Variants in HEATR5B observed in about 807,000 individuals in gnomAD.
The protein encoded by HEATR5B is HEAT repeat-containing protein 5B.
In HEATR5B, 156 loss-of-function variants were observed where a neutral mutation model predicts 224.1. That is an observed-to-expected ratio of 0.70 (90% CI 0.61 to 0.80). The LOEUF is 0.80. Ranked by LOEUF, HEATR5B falls within the 30% of genes least tolerant of loss-of-function variation. The pLI, the probability that HEATR5B is intolerant of heterozygous loss-of-function variation, is 0.00. For synonymous variants in HEATR5B, 1,027 were observed against 893.0 expected, an observed-to-expected ratio of 1.15 and a Z score of -2.68; for missense variants, 2,323 against 2,535.5, an observed-to-expected ratio of 0.92 and a Z score of 1.80.
chr2:37,059,482 T>TTTTTTTTTGTG, intron 12 of HEATR5B, among the ~76,000 whole-genome samples: 1 of 140,082 alleles, frequency 7.1e-6, no homozygotes, highest in East Asian at 2.0e-4. Context: ...TTTTTTTTTT[T>TTTTTTTTTGTG]TGAGAGAGTC....
intron 18 of HEATR5B, among the ~76,000 whole-genome samples, chr2:37,049,082 C>A (rs1165571403): frequency 6.6e-6 from 1 of 152,168 alleles, no homozygotes; most frequent in African/African-American, 2.4e-5. Flanking sequence ...TCACTAATAA[C>A]TGCAACTCAT....
At chr2:37,059,445 TGTATA>T (rs1671128420) in intron 12 of HEATR5B, among the ~76,000 whole-genome samples, 1 of 55,430 alleles carries the variant, frequency 1.8e-5, no homozygotes, top group Non-Finnish European at 3.6e-5. Context: ...TGTGTGTGTG[TGTATA>T]TATATATATA....
At position 36,981,805 on chromosome 2, in the gene HEATR5B, T is replaced by A. The variant is rs1476459711; in HGVS notation, c.5912-11A>T. 3.2e-6 allele frequency: 5 copies of A among 1,565,006 alleles called. No individual in the cohort carries two copies. The Admixed American group carries it at 5.9e-5, about 18-fold the overall frequency. On this transcript the variant is annotated splice_polypyrimidine_tract_variant and intron_variant, in intron 35 of 35. Transcript: ENST00000233099. ...CAAGTAGCTGGACTCCTGTAAATAATAAAGTATGAAAAAAGATCACAAACA... is the reference window on the plus strand; with the variant it reads ...CAAGTAGCTGGACTCCTGTAAATAAAAAAGTATGAAAAAAGATCACAAACA...
At chr2:37,005,456 T>A (rs1038724925) in intron 30 of HEATR5B, among the ~76,000 whole-genome samples, 176 bp downstream of exon 30, 1 of 152,090 alleles carries the variant, frequency 6.6e-6, no homozygotes, top group Non-Finnish European at 1.5e-5. Flanking sequence ...CAAACCACGT[T>A]TGAGGCAGAC....
At position 37,000,617 on chromosome 2, in the gene HEATR5B, C is replaced by A. The variant is rs768336530; in HGVS notation, c.5514G>T (p.Thr1838=). 6.2e-7 allele frequency: 1 copy of A among 1,614,156 alleles called. No individual in the cohort carries two copies. Among genetic ancestry groups the A allele is most frequent in the Non-Finnish European group, 8.5e-7 (1 of 1,180,004 alleles). ...GAGAATATTCCAGGATGCAAGCAAG[C>A]GTGCTACGAATCAGAGCTGTCCACT... is the stretch of plus-strand genomic sequence containing the variant. ...QKQWTALIRS[T]LACILEYSQP... Residue 1838 remains threonine, a synonymous_variant, in exon 33 of 36, where the codon ACG becomes ACT. Transcript: ENST00000233099.
At chr2:37,025,146 G>A (rs1276604312) in intron 24 of HEATR5B, among the ~76,000 whole-genome samples, 2 of 152,096 alleles carry the variant, frequency 1.3e-5, no homozygotes, top group Non-Finnish European at 2.9e-5. Flanking sequence ...TTCAGAATCA[G>A]AATGGCAGGC....
intron 28 of HEATR5B, among the ~76,000 whole-genome samples, chr2:37,007,943 C>T (rs78334299): frequency 6.6e-6 from 1 of 152,164 alleles, no homozygotes; most frequent in South Asian, 2.1e-4. Flanking sequence ...CTATCACAAC[C>T]AGGGAACTCT....
Position 37,002,302 on chromosome 2 carries a change from G to A in HEATR5B, c.5317+4C>T, listed in dbSNP as rs374210434. On this transcript the variant is annotated splice_donor_region_variant and intron_variant, in intron 32 of 35. Coordinates refer to ENST00000233099, the MANE Select transcript of HEATR5B (RefSeq NM_019024.3). ...GCATTTCCAAATACTGATCAATACC[G>A]TACCAGCGGGTGAACAAAGGGATGG... 26 of 1,613,924 alleles carry A rather than the reference G, an allele frequency of 1.6e-5. No individual in the cohort carries two copies. The highest frequency in any genetic ancestry group is 6.7e-5 in the East Asian group (3 of 44,900).
chr2:36,985,018 G>A (rs767450309), intron 35 of HEATR5B, among the ~76,000 whole-genome samples: 1 of 152,110 alleles, frequency 6.6e-6, no homozygotes, highest in Non-Finnish European at 1.5e-5. Context: ...TATAACCTTG[G>A]TCATGCAGGG....
chr2:37,004,006 T>C (rs1667259102), intron 30 of HEATR5B, among the ~76,000 whole-genome samples: 1 of 152,176 alleles, frequency 6.6e-6, no homozygotes. Context: ...AAATTTATAA[T>C]TTCTAACCTG....
intron 35 of HEATR5B, among the ~76,000 whole-genome samples, chr2:36,987,934 T>C (rs1266282872): frequency 6.6e-6 from 1 of 151,900 alleles, no homozygotes; most frequent in Non-Finnish European, 1.5e-5. Flanking sequence ...TAGCCAGGCA[T>C]GGTGGCACAT....
Position 37,037,921 on chromosome 2 carries a change from G to A in HEATR5B, c.3150C>T (p.Cys1050=), listed in dbSNP as rs1237730191. 1.2e-6 allele frequency: 2 copies of A among 1,600,460 alleles called. No homozygotes were observed. The highest frequency in any genetic ancestry group is 8.5e-7 in the Non-Finnish European group (1 of 1,171,520). ...DSLVQAAAIS[C]LQQLHMFAPR... ...GTGCAAACATGTGAAGCTGCTGAAG[G>A]CAAGATATGGCAGCTGCCTGAACAA... The change falls in exon 21 of 36, where the codon TGC becomes TGT. Residue 1050 remains cysteine, a synonymous_variant. Coordinates refer to ENST00000233099, the MANE Select transcript of HEATR5B (RefSeq NM_019024.3).
rs1033307024 is a variant in HEATR5B, at chr2:37,046,703, T to C, written c.2696+2950A>G. ...ATCCCCAAGACTCTAGTTGGCCAGT[T>C]TGCCTACTGCAAACTAAAGAAAATT... is the stretch of plus-strand genomic sequence containing the variant. On this transcript the variant is annotated intron_variant, in intron 18 of 35. Transcript: ENST00000233099. Among the ~76,000 whole-genome samples the C allele has an allele frequency of 6.6e-5, 10 of 151,724 alleles. No homozygotes were observed. In the East Asian group the frequency reaches 7.8e-4, roughly 12 times the overall value.
intron 35 of HEATR5B, among the ~76,000 whole-genome samples, chr2:36,988,218 A>C (rs1034424419): frequency 6.6e-6 from 1 of 151,938 alleles, no homozygotes; most frequent in Non-Finnish European, 1.5e-5. Context: ...CAAAGAAAAA[A>C]ATCAACTCAC....
At chr2:37,062,673 T>G (rs1023640816) in intron 10 of HEATR5B, among the ~76,000 whole-genome samples, 1 of 152,240 alleles carries the variant, frequency 6.6e-6, no homozygotes, top group African/African-American at 2.4e-5. Flanking sequence ...CTTGCAAGGA[T>G]AAAATAAGTT....
At chr2:36,999,106 A>G (rs775505790) in intron 33 of HEATR5B, among the ~76,000 whole-genome samples, 3 of 151,820 alleles carry the variant, frequency 2.0e-5, no homozygotes, top group Non-Finnish European at 2.9e-5. Context: ...CCAGCTACTC[A>G]GGAGGCTGAG....
At chr2:37,011,029 T>A (rs1478359808) in intron 27 of HEATR5B, among the ~76,000 whole-genome samples, 1 of 152,222 alleles carries the variant, frequency 6.6e-6, no homozygotes, top group East Asian at 1.9e-4. Flanking sequence ...TTGGCTTTAA[T>A]TATTTATCTT....
chr2:37,027,627 G>A (rs190540213), intron 24 of HEATR5B, among the ~76,000 whole-genome samples: 70 of 152,138 alleles, frequency 4.6e-4, no homozygotes, highest in African/African-American at 1.5e-3. Context: ...CCAGGACAAC[G>A]TACTGAGAAA....
chr2:36,988,624 C>G, intron 35 of HEATR5B, 22 bp downstream of exon 35: 1 of 1,570,446 alleles, frequency 6.4e-7, no homozygotes, highest in South Asian at 1.1e-5. Context: ...GAACTAGTAG[C>G]TTTTTATAAG....
Sources: allele counts gnomAD v4.1 joint callset (sites outside exome capture counted in the v4.1 genomes callset), GRCh38; gene constraint gnomAD v4.1.1; transcripts MANE v1.5; gene names NCBI Gene and HGNC (gene_info 2026-07-23, HGNC 2026-07-21).